The following SRPK2 variants were observed in gnomAD, a reference collection of about 807,000 sequenced individuals.
The protein encoded by SRPK2 is SRSF protein kinase 2.
A neutral mutation model predicts 90.8 loss-of-function variants in SRPK2; 21 were observed. That is an observed-to-expected ratio of 0.23 (90% CI 0.16 to 0.33). The LOEUF (loss-of-function observed/expected upper bound fraction) is 0.33, where lower values mean the gene tolerates loss of function less well. Among genes scored for constraint, SRPK2 ranks in the 10% least tolerant of loss-of-function variants. The pLI is 1.00. For synonymous variants in SRPK2, 288 were observed against 311.1 expected, an observed-to-expected ratio of 0.93 and a Z score of 0.78; for missense variants, 620 against 869.0, an observed-to-expected ratio of 0.71 and a Z score of 3.60.
intron 2 of SRPK2, 58 bp downstream of exon 2, chr7:105,388,590 G>A: frequency 2.0e-6 from 3 of 1,501,946 alleles, no homozygotes; most frequent in Non-Finnish European, 2.7e-6. Flanking sequence ...CTGCGCGGCC[G>A]CGGGCGCCCC....
At position 105,117,592 on chromosome 7, in the gene SRPK2, A is replaced by G. The variant is rs1799752801; in HGVS notation, c.*246T>C. 1.9e-6 allele frequency: 1 copy of G among 517,796 alleles called. No individual in the cohort carries two copies. The highest frequency in any genetic ancestry group is 3.4e-6 in the Non-Finnish European group (1 of 294,330). 32.1% of individuals were successfully genotyped at this position (517,796 alleles called of 1,614,324 possible). On this transcript the variant is annotated 3_prime_UTR_variant, in exon 16 of 16. Transcript: ENST00000393651. Reference sequence around the variant, plus strand: ...TCACACAACACAAGAAACAATGCTTAGAGACATGTTATTGTTTCCAGAAGA... The same window carrying G: ...TCACACAACACAAGAAACAATGCTTGGAGACATGTTATTGTTTCCAGAAGA...
At chr7:105,220,059 T>C (rs1352185491) in intron 2 of SRPK2, among the ~76,000 whole-genome samples, 2 of 152,352 alleles carry the variant, frequency 1.3e-5, no homozygotes, top group South Asian at 4.1e-4. Flanking sequence ...ACTCAAATAG[T>C]ATCTGACTTA....
chr7:105,388,528 C>CG, intron 2 of SRPK2, 120 bp downstream of exon 2: 1 of 753,258 alleles, frequency 1.3e-6, no homozygotes, highest in Non-Finnish European at 1.8e-6. Context: ...CGAGCGCCAG[C>CG]GTCCCGGGGG....
chr7:105,313,813 T>C (rs1440994323), intron 2 of SRPK2, among the ~76,000 whole-genome samples: 1 of 152,060 alleles, frequency 6.6e-6, no homozygotes, highest in African/African-American at 2.4e-5. Context: ...TCAGTGGGTG[T>C]ATATATCTTG....
At chr7:105,224,736 T>A (rs1299611522) in intron 2 of SRPK2, among the ~76,000 whole-genome samples, 1 of 152,246 alleles carries the variant, frequency 6.6e-6, no homozygotes, top group Non-Finnish European at 1.5e-5. Context: ...ACACTTAGAA[T>A]TCTAAATTAA....
intron 3 of SRPK2, among the ~76,000 whole-genome samples, chr7:105,192,867 G>A (rs1250442982): frequency 6.6e-6 from 1 of 152,032 alleles, no homozygotes; most frequent in African/African-American, 2.4e-5. Flanking sequence ...GTCTATTCAT[G>A]TCCTTAGCCC....
chr7:105,243,642 A>C (rs1162262168), intron 2 of SRPK2, among the ~76,000 whole-genome samples: 3 of 150,986 alleles, frequency 2.0e-5, no homozygotes, highest in Non-Finnish European at 1.5e-5. Context: ...AAAAAAAAAA[A>C]AAAAAAAACC....
At chr7:105,153,129 C>T (rs150125465) in intron 7 of SRPK2, among the ~76,000 whole-genome samples, 10 of 152,236 alleles carry the variant, frequency 6.6e-5, no homozygotes, top group Admixed American at 1.3e-4. Flanking sequence ...TAAGCCCAGA[C>T]GAGCCAGGGA....
At chr7:105,143,552 G>A (rs1804111543) in intron 9 of SRPK2, 3 of 579,482 alleles carry the variant, frequency 5.2e-6, no homozygotes, top group Non-Finnish European at 9.0e-6. Flanking sequence ...ACCAGGTCCT[G>A]CCCTCAGAGG....
intron 3 of SRPK2, among the ~76,000 whole-genome samples, chr7:105,188,788 G>A (rs1048280721): frequency 1.3e-4 from 20 of 152,182 alleles, no homozygotes; most frequent in African/African-American, 4.8e-4. Context: ...GATATTACTC[G>A]TAACAGGTTC....
chr7:105,116,154 G>A (rs369776589), downstream of SRPK2, among the ~76,000 whole-genome samples: 2 of 152,104 alleles, frequency 1.3e-5, no homozygotes, highest in African/African-American at 2.4e-5. Flanking sequence ...GATGAAAAGG[G>A]ATCATTGATA....
intron 7 of SRPK2, 79 bp downstream of exon 7, chr7:105,160,428 C>A: frequency 1.3e-6 from 1 of 771,834 alleles, no homozygotes; most frequent in Admixed American, 2.0e-5. Flanking sequence ...AATACATATA[C>A]ATATTTGTAA....
intron 2 of SRPK2, among the ~76,000 whole-genome samples, chr7:105,263,664 C>T (rs1804638867): frequency 6.6e-6 from 1 of 152,076 alleles, no homozygotes; most frequent in Admixed American, 6.6e-5. Flanking sequence ...TGTTAAGATC[C>T]TAAAACTCCT....
chr7:105,318,547 T>C (rs145378113), intron 2 of SRPK2, among the ~76,000 whole-genome samples: 1 of 152,326 alleles, frequency 6.6e-6, no homozygotes, highest in East Asian at 1.9e-4. Context: ...GAGCAAAATG[T>C]TTAAGAATCA....
chr7:105,127,966 C>A (rs1801443011), intron 13 of SRPK2, among the ~76,000 whole-genome samples: 1 of 152,172 alleles, frequency 6.6e-6, no homozygotes, highest in South Asian at 2.1e-4. Context: ...GACTGCCCTC[C>A]CCATTCCCGC....
chr7:105,323,756 A>G (rs1410844080), intron 2 of SRPK2, among the ~76,000 whole-genome samples: 3 of 152,176 alleles, frequency 2.0e-5, no homozygotes, highest in Non-Finnish European at 2.9e-5. Context: ...CCAAAAAGGT[A>G]TGGTACTACA....
At chr7:105,286,834 C>T (rs1808164381) in intron 2 of SRPK2, among the ~76,000 whole-genome samples, 3 of 152,240 alleles carry the variant, frequency 2.0e-5, no homozygotes, top group South Asian at 4.1e-4. Context: ...CCAAATCTAC[C>T]CTAGAAAGAC....
intron 2 of SRPK2, among the ~76,000 whole-genome samples, chr7:105,387,320 TC>T (rs1442756757): frequency 6.6e-6 from 1 of 152,204 alleles, no homozygotes; most frequent in African/African-American, 2.4e-5. Flanking sequence ...CTTCCATGGT[TC>T]ACCAAAGGAA....
intron 2 of SRPK2, among the ~76,000 whole-genome samples, chr7:105,221,413 T>C (rs1215996489): frequency 6.6e-6 from 1 of 152,154 alleles, no homozygotes; most frequent in East Asian, 1.9e-4. Context: ...TTTCTCCAGC[T>C]ACAACAGTCC....
Sources: allele counts gnomAD v4.1 joint callset (sites outside exome capture counted in the v4.1 genomes callset), GRCh38; gene constraint gnomAD v4.1.1; transcripts MANE v1.5; gene names NCBI Gene and HGNC (gene_info 2026-07-23, HGNC 2026-07-21).